ZC3H12B: variants seen among roughly 807,000 people sequenced by gnomAD.
ZC3H12B encodes zinc finger CCCH-type containing 12B.
Under a neutral mutation model 43.9 loss-of-function variants are expected in ZC3H12B, and 7 were observed. The observed-to-expected ratio is 0.16, with a 90% confidence interval of 0.09 to 0.30. The LOEUF (loss-of-function observed/expected upper bound fraction) is 0.30. Ranked by LOEUF, ZC3H12B falls within the 10% of genes least tolerant of loss-of-function variation. ZC3H12B has a pLI of 1.00. For missense variants in ZC3H12B, 475 were observed against 670.2 expected, an observed-to-expected ratio of 0.71 and a Z score of 3.22; for synonymous variants, 222 against 241.7, an observed-to-expected ratio of 0.92 and a Z score of 0.76.
chrX:65,037,937 A>G, the ZC3H12B span, among the ~76,000 whole-genome samples: 1 of 111,156 alleles, frequency 9.0e-6, no homozygotes, highest in African/African-American at 3.3e-5. Context: ...GTATATATTA[A>G]TAATTGACAA....
At chrX:65,226,457 C>T in the ZC3H12B span, among the ~76,000 whole-genome samples, 73 of 111,432 alleles carry the variant, frequency 6.6e-4, no homozygotes, top group Non-Finnish European at 4.3e-4. Context: ...GAAGAAACTG[C>T]GTCAACCTGC....
the ZC3H12B span, among the ~76,000 whole-genome samples, chrX:65,037,842 C>A: frequency 9.0e-6 from 1 of 110,937 alleles, no homozygotes; most frequent in Non-Finnish European, 1.9e-5. Flanking sequence ...ACTGCTATTG[C>A]TACCATTTTC....
the ZC3H12B span, among the ~76,000 whole-genome samples, chrX:65,035,003 G>A: frequency 8.9e-6 from 1 of 112,563 alleles, no homozygotes; most frequent in Non-Finnish European, 1.9e-5. Flanking sequence ...ACCCCAGGAG[G>A]GTCCGGGCCG....
the ZC3H12B span, among the ~76,000 whole-genome samples, chrX:65,143,045 G>T: frequency 9.1e-6 from 1 of 110,332 alleles, no homozygotes; most frequent in Non-Finnish European, 1.9e-5. Context: ...GAAGAATAAT[G>T]GTGGTATTTT....
the ZC3H12B span, among the ~76,000 whole-genome samples, chrX:65,090,100 A>G: frequency 8.9e-6 from 1 of 112,505 alleles, no homozygotes; most frequent in Non-Finnish European, 1.9e-5. Flanking sequence ...ATCAAGTATT[A>G]TGTACTATAT....
chrX:65,141,021 AT>A, the ZC3H12B span, among the ~76,000 whole-genome samples: 7 of 110,487 alleles, frequency 6.3e-5, no homozygotes, highest in East Asian at 2.8e-4. Flanking sequence ...TCTTACATTG[AT>A]TTTTTTCTTT....
chrX:65,464,604 GTATT>G (rs2067794327), intron 3 of ZC3H12B, among the ~76,000 whole-genome samples: 1 of 109,881 alleles, frequency 9.1e-6, no homozygotes, highest in Non-Finnish European at 1.9e-5. Context: ...TTTATTATAT[GTATT>G]TATTTATGTT....
the ZC3H12B span, among the ~76,000 whole-genome samples, chrX:65,054,660 C>G: frequency 1.8e-5 from 2 of 111,832 alleles, no homozygotes; most frequent in Non-Finnish European, 3.8e-5. Flanking sequence ...GGCGTTGAAT[C>G]TGTAAATTAC....
the ZC3H12B span, among the ~76,000 whole-genome samples, chrX:65,124,570 T>G: frequency 1.8e-5 from 2 of 111,202 alleles, no homozygotes; most frequent in African/African-American, 3.3e-5. Context: ...TTATCAGTTC[T>G]CCATTGAATA....
the ZC3H12B span, among the ~76,000 whole-genome samples, chrX:65,336,922 G>C: frequency 2.7e-5 from 3 of 112,156 alleles, no homozygotes; most frequent in East Asian, 8.4e-4. Flanking sequence ...AATCCAAAAA[G>C]AATAGGAGTT....
At chrX:65,417,937 AT>A (rs751576044) in intron 3 of ZC3H12B, among the ~76,000 whole-genome samples, 1 of 112,320 alleles carries the variant, frequency 8.9e-6, no homozygotes, top group East Asian at 2.8e-4. Flanking sequence ...GCTTTTTCTT[AT>A]TGTATTCTCA....
the ZC3H12B span, among the ~76,000 whole-genome samples, chrX:65,251,322 G>A: frequency 5.4e-5 from 6 of 111,828 alleles, no homozygotes; most frequent in African/African-American, 2.0e-4. Context: ...CCAGTACCAT[G>A]CTGTTTTGGT....
chrX:65,118,400 G>T, the ZC3H12B span, among the ~76,000 whole-genome samples: 1 of 111,564 alleles, frequency 9.0e-6, no homozygotes, highest in Non-Finnish European at 1.9e-5. Context: ...TGTGATTTTT[G>T]CACATTGATT....
At position 65,421,575 on chromosome X, in the gene ZC3H12B, C is replaced by G. The variant is rs759063229; in HGVS notation, n.407+22871C>G. Among the ~76,000 whole-genome samples, 5 of 112,528 alleles carry G rather than the reference C, an allele frequency of 4.4e-5. No homozygotes were observed. In the South Asian group the frequency reaches 1.8e-3, roughly 42 times the overall value. ...ACACTCAATGCTACTGCCAAAACTA[C>G]CATCCATGGGCTTACTGAATGCCTT... is the stretch of plus-strand genomic sequence containing the variant. On this transcript the variant is annotated intron_variant and non_coding_transcript_variant, in intron 3 of 5. Transcript: ENST00000617377.
intron 3 of ZC3H12B, among the ~76,000 whole-genome samples, chrX:65,411,726 AAAAT>A (rs564238814): frequency 1.5e-4 from 16 of 107,710 alleles, no homozygotes; most frequent in African/African-American, 2.7e-4. Context: ...ACTCCATCTC[AAAAT>A]AAATAAATAA....
chrX:65,150,755 G>T, the ZC3H12B span, among the ~76,000 whole-genome samples: 1 of 111,214 alleles, frequency 9.0e-6, no homozygotes, highest in Admixed American at 9.7e-5. Context: ...AGTGCCATTT[G>T]TCTTATCTTC....
At chrX:65,287,577 A>T in the ZC3H12B span, among the ~76,000 whole-genome samples, 3 of 110,942 alleles carry the variant, frequency 2.7e-5, no homozygotes, top group Non-Finnish European at 5.7e-5. Flanking sequence ...CCTGCTCAAC[A>T]TAGTGAGACC....
the ZC3H12B span, among the ~76,000 whole-genome samples, chrX:65,121,758 A>T: frequency 9.1e-6 from 1 of 110,157 alleles, no homozygotes; most frequent in Non-Finnish European, 1.9e-5. Flanking sequence ...TCAATTTTAG[A>T]TCTTTTCTGC....
At chrX:65,067,780 G>T in the ZC3H12B span, among the ~76,000 whole-genome samples, 5 of 106,961 alleles carry the variant, frequency 4.7e-5, no homozygotes, top group South Asian at 1.6e-3. Flanking sequence ...CTACTAATTT[G>T]CATTTGGTTT....
Sources: gnomAD v4.1 joint callset for allele counts (sites outside exome capture counted in the v4.1 genomes callset) on GRCh38, gnomAD v4.1.1 for gene constraint, MANE v1.5 for transcripts, NCBI Gene and HGNC (gene_info 2026-07-23, HGNC 2026-07-21) for gene names.